KLK5: variants seen among roughly 807,000 people sequenced by gnomAD.
The protein encoded by KLK5 is kallikrein related peptidase 5.
KLK5 carries 18 observed loss-of-function variants against 24.0 expected under a neutral mutation model. That is an observed-to-expected ratio of 0.75 (90% CI 0.52 to 1.11). The LOEUF (loss-of-function observed/expected upper bound fraction) is 1.11, where lower values mean the gene tolerates loss of function less well. KLK5 is among the 50% of genes most tolerant of loss of function. The pLI is 0.00. For missense variants in KLK5, 374 were observed against 379.2 expected, an observed-to-expected ratio of 0.99 and a Z score of 0.11; for synonymous variants, 140 against 154.0, an observed-to-expected ratio of 0.91 and a Z score of 0.67.
chr19:50,952,056 A>T (rs1305189895), intron 2 of KLK5, among the ~76,000 whole-genome samples: 2 of 152,018 alleles, frequency 1.3e-5, no homozygotes, highest in African/African-American at 2.4e-5. Context: ...CACGGTCACA[A>T]ATACGGGCAT....
At position 50,950,083 on chromosome 19, in the gene KLK5, T is replaced by C. The variant is rs779753733; in HGVS notation, c.107A>G (p.Asp36Gly). The change falls in exon 3 of 6, where the codon GAC (aspartate) becomes GGC (glycine). Residue 36 changes from aspartate to glycine, a missense_variant. Coordinates refer to ENST00000336334, the MANE Select transcript of KLK5 (RefSeq NM_012427.5). ...AGAGGGCACGGTGTTAGAGGGGTGG[T>C]CACAGGAAACATCATTGTTGGCGAG... ...HVLANNDVSC[D>G]HPSNTVPSGS... is the part of the protein sequence containing the mutation. 3 of 1,612,978 alleles carry C rather than the reference T, an allele frequency of 1.9e-6. No homozygotes were observed. In the South Asian group the frequency reaches 3.3e-5, roughly 18 times the overall value.
intron 1 of KLK5, 21 bp from the exon 2 acceptor site, chr19:50,952,689 G>C (rs909587763): frequency 1.3e-6 from 2 of 1,557,270 alleles, no homozygotes; most frequent in Admixed American, 3.7e-5. Context: ...AATGTCAGAG[G>C]GTTGGGAGGC....
Position 50,949,087 on chromosome 19 carries a change from A to T in KLK5, c.364T>A (p.Ser122Thr). ...KVFRVRLGHY[S>T]LSPVYESGQQ... ...CCAGATTCATAAACTGGTGACAGGG[A>T]GTAGTGGCCGAGACGGACTCTGAAA... Residue 122 changes from serine (S) to threonine (T), a missense_variant, in exon 4 of 6, where the codon TCC (serine) becomes ACC (threonine). Ser to Thr is a moderately conservative substitution (Grantham distance 58). Transcript: ENST00000336334. The T allele has an allele frequency of 6.2e-7, 1 of 1,613,264 alleles. No individual in the cohort carries two copies. The highest frequency in any genetic ancestry group is 1.1e-5 in the South Asian group (1 of 91,044).
chr19:50,949,739 A>ACCCCCCCT, intron 3 of KLK5, 116 bp downstream of exon 3: 2 of 432,324 alleles, frequency 4.6e-6, no homozygotes, highest in South Asian at 2.4e-5. Context: ...GACACCCCCA[A>ACCCCCCCT]CCCCACTTCC....
At chr19:50,944,524 T>C (rs907719081) in intron 5 of KLK5, among the ~76,000 whole-genome samples, 2 of 152,058 alleles carry the variant, frequency 1.3e-5, no homozygotes, top group African/African-American at 4.8e-5. Flanking sequence ...AGGCCTTATT[T>C]CTCTTACTGG....
rs535091912 is a variant in KLK5, at chr19:50,944,420, C to T, written c.727-634G>A. 3.2e-4 allele frequency among the ~76,000 whole-genome samples: 49 copies of T among 152,170 alleles called. 1 individual carries two copies. The highest frequency in any genetic ancestry group is 1.5e-3 in the Admixed American group (23 of 15,276). On this transcript the variant is annotated intron_variant, in intron 5 of 5. Transcript: ENST00000336334. ...TCTGTGACCCTTCCTCTCCACATCT[C>T]GAATCTTCGTCTCTACTTTCTGTTC... is the stretch of plus-strand genomic sequence containing the variant.
intron 5 of KLK5, among the ~76,000 whole-genome samples, chr19:50,946,704 C>A (rs780298738): frequency 6.6e-6 from 1 of 151,902 alleles, no homozygotes; most frequent in Admixed American, 6.6e-5. Flanking sequence ...GGACTACAGG[C>A]GCCTGCCACC....
At chr19:50,946,718 C>A (rs1028565983) in intron 5 of KLK5, among the ~76,000 whole-genome samples, 3 of 151,976 alleles carry the variant, frequency 2.0e-5, no homozygotes, top group Non-Finnish European at 2.9e-5. Context: ...TGCCACCACG[C>A]CCGGCTAATT....
At chr19:50,948,817 C>G (rs368001515) in intron 4 of KLK5, 42 bp downstream of exon 4, 1 of 1,613,904 alleles carries the variant, frequency 6.2e-7, no homozygotes, top group Non-Finnish European at 8.5e-7. Flanking sequence ...AGATGGAAGG[C>G]GGCAGAGATG....
chr19:50,950,707 C>A (rs563679308), intron 2 of KLK5, among the ~76,000 whole-genome samples: 5 of 152,144 alleles, frequency 3.3e-5, no homozygotes, highest in African/African-American at 1.2e-4. Context: ...GCCTGGCCAA[C>A]AAGGTGAAAC....
At chr19:50,949,747 T>TCCCCCTCCCCCCCCCCCCCCCCC in intron 3 of KLK5, 108 bp downstream of exon 3, 1 of 426,666 alleles carries the variant, frequency 2.3e-6, no homozygotes, top group Non-Finnish European at 3.9e-6. Flanking sequence ...CAACCCCACT[T>TCCCCCTCCCCCCCCCCCCCCCCC]CCCCGTCCCC....
At chr19:50,949,800 C>CCAGCCCCCACCCCCATGACAA in intron 3 of KLK5, 55 bp downstream of exon 3, 1 of 235,562 alleles carries the variant, frequency 4.2e-6, no homozygotes. Flanking sequence ...CACTTCCCCA[C>CCAGCCCCCACCCCCATGACAA]CCCCACCCCC....
At chr19:50,944,761 A>G (rs1158872438) in intron 5 of KLK5, among the ~76,000 whole-genome samples, 1 of 152,192 alleles carries the variant, frequency 6.6e-6, no homozygotes, top group Non-Finnish European at 1.5e-5. Flanking sequence ...TATAGTTGTG[A>G]CAACCAAAAA....
intron 5 of KLK5, 66 bp downstream of exon 5, chr19:50,948,574 G>A: frequency 6.5e-7 from 1 of 1,549,220 alleles, no homozygotes; most frequent in South Asian, 1.1e-5. Flanking sequence ...TCAGAATTTG[G>A]CAACGCTCCA....
rs2090648969 is a variant in KLK5, at chr19:50,947,817, T to C, written c.726+823A>G. On this transcript the variant is annotated intron_variant, in intron 5 of 5. Transcript: ENST00000336334. This position sits in a 1 kb window ranked among gnomAD's most constrained non-coding sequence, Gnocchi z 8.7. ...GAGTGCCCCTATTAGATATGGTATC[T>C]TTATGCAGTGCACAACCTGCCCAAC... Among the ~76,000 whole-genome samples, 1 of 152,196 alleles carries C rather than the reference T, an allele frequency of 6.6e-6. No homozygotes were observed. Among genetic ancestry groups the C allele is most frequent in the African/African-American group, 2.4e-5 (1 of 41,446 alleles).
Position 50,943,690 on chromosome 19 carries a change from A to G in KLK5, c.823T>C (p.Tyr275His). 6.2e-7 allele frequency: 1 copy of G among 1,614,038 alleles called. No homozygotes were observed. The highest frequency in any genetic ancestry group is 8.5e-7 in the Non-Finnish European group (1 of 1,179,956). ...TTGGTGAACTTGCAGAGGTTCGTGT[A>G]GACACCCGGTCTGTTGGGCCGGGCA... The part of the protein sequence containing the change: ...PCARPNRPGV[Y>H]TNLCKFTKWI... Residue 275 changes from tyrosine (Y) to histidine (H), a missense_variant, in exon 6 of 6, where the codon TAC becomes CAC. Transcript: ENST00000336334.
rs1002650294 is a variant in KLK5 at position 50,947,256 on chromosome 19, C to T, written c.726+1384G>A. On this transcript the variant is annotated intron_variant, in intron 5 of 5. Coordinates refer to ENST00000336334, the MANE Select transcript of KLK5 (RefSeq NM_012427.5). This position sits in a 1 kb window ranked among gnomAD's most constrained non-coding sequence, Gnocchi z 8.7. ...CATTCGCCCCTGCCTACACCTCCAG[C>T]GTCACTTTCTACTGTTGCCCCCACT... is the stretch of plus-strand genomic sequence containing the variant. Among the ~76,000 whole-genome samples, 4 of 152,318 alleles carry T rather than the reference C, an allele frequency of 2.6e-5. No individual in the cohort carries two copies. The highest frequency in any genetic ancestry group is 4.4e-5 in the Non-Finnish European group (3 of 68,022).
Position 50,949,184 on chromosome 19 carries a change from C to G in KLK5, c.336-69G>C. 2.0e-6 allele frequency: 3 copies of G among 1,518,232 alleles called. 1 individual carries two copies. The South Asian group carries it at 3.7e-5, about 19-fold the overall frequency. 94.0% of individuals were successfully genotyped at this position (1,518,232 alleles called of 1,614,324 possible). ...TCCACGTCCAACGCCAATCCCAACCCCACACCCAGCCCCAGCCCCACCCCC... is the reference window on the plus strand; with the variant it reads ...TCCACGTCCAACGCCAATCCCAACCGCACACCCAGCCCCAGCCCCACCCCC... On this transcript the variant is annotated intron_variant, in intron 3 of 5. Transcript: ENST00000336334.
Position 50,947,018 on chromosome 19 carries a change from G to A in KLK5, c.726+1622C>T, listed in dbSNP as rs1393536714. Among the ~76,000 whole-genome samples the A allele has an allele frequency of 6.6e-6, 1 of 152,034 alleles. No individual in the cohort carries two copies. Among genetic ancestry groups the A allele is most frequent in the Non-Finnish European group, 1.5e-5 (1 of 68,004 alleles). Reference sequence around the variant, plus strand: ...ATAGCCATGGGACTGGAGTACTCCTGAATCCCCAGCTTCCTAACTACTGTT... The same window carrying A: ...ATAGCCATGGGACTGGAGTACTCCTAAATCCCCAGCTTCCTAACTACTGTT... On this transcript the variant is annotated intron_variant, in intron 5 of 5. Transcript: ENST00000336334. The surrounding 1 kb of genome is among the most constrained non-coding windows in gnomAD (Gnocchi z 8.7).
Sources: gnomAD v4.1 joint callset for allele counts (sites outside exome capture counted in the v4.1 genomes callset) on GRCh38, gnomAD v4.1.1 for gene constraint, Gnocchi (gnomAD v3.1) non-coding constraint, MANE v1.5 for transcripts, NCBI Gene and HGNC (gene_info 2026-07-23, HGNC 2026-07-21) for gene names.